Variants in FOXO1 observed in about 807,000 individuals in gnomAD.
FOXO1 encodes the protein forkhead box protein O1.
In FOXO1, 6 loss-of-function variants were observed where a neutral mutation model predicts 44.1. The ratio of observed to expected loss-of-function variants is 0.14; its 90% CI spans 0.07 to 0.27. The LOEUF (loss-of-function observed/expected upper bound fraction) is 0.27. Among genes scored for constraint, FOXO1 ranks in the 10% least tolerant of loss-of-function variants. The pLI is 1.00. For missense variants in FOXO1, 737 were observed against 888.8 expected, an observed-to-expected ratio of 0.83 and a Z score of 2.17; for synonymous variants, 380 against 362.7, an observed-to-expected ratio of 1.05 and a Z score of -0.54.
At chr13:40,597,230 C>T (rs1875615612) in intron 1 of FOXO1, among the ~76,000 whole-genome samples, 1 of 152,286 alleles carries the variant, frequency 6.6e-6, no homozygotes, top group African/African-American at 2.4e-5. Context: ...CCACCATAAC[C>T]CCAGAATGTA....
chr13:40,613,389 T>C (rs1001146123), intron 1 of FOXO1, among the ~76,000 whole-genome samples: 1 of 151,212 alleles, frequency 6.6e-6, no homozygotes, highest in Non-Finnish European at 1.5e-5. Flanking sequence ...ACACCCCTAA[T>C]CTAATCAATT....
At chr13:40,590,557 A>G (rs888882400) in intron 1 of FOXO1, among the ~76,000 whole-genome samples, 2 of 152,222 alleles carry the variant, frequency 1.3e-5, no homozygotes, top group Non-Finnish European at 1.5e-5. Flanking sequence ...TATACCAAGG[A>G]TGAATCCCAA....
intron 1 of FOXO1, among the ~76,000 whole-genome samples, chr13:40,573,634 T>C (rs1223159041): frequency 3.3e-5 from 5 of 152,210 alleles, no homozygotes; most frequent in African/African-American, 1.2e-4. Flanking sequence ...GAAACATGGA[T>C]GATATTGTTG....
At chr13:40,648,380 A>G (rs957860288) in intron 1 of FOXO1, among the ~76,000 whole-genome samples, 3 of 152,230 alleles carry the variant, frequency 2.0e-5, no homozygotes, top group African/African-American at 7.2e-5. Flanking sequence ...CACCATGTAT[A>G]CTTAGATGCA....
At chr13:40,587,210 C>A (rs765903651) in intron 1 of FOXO1, among the ~76,000 whole-genome samples, 4 of 151,442 alleles carry the variant, frequency 2.6e-5, no homozygotes, top group Non-Finnish European at 5.9e-5. Flanking sequence ...CACCTTCTTC[C>A]CAAAGGCACG....
intron 1 of FOXO1, among the ~76,000 whole-genome samples, chr13:40,591,490 C>T (rs963968015): frequency 1.3e-5 from 2 of 152,026 alleles, no homozygotes; most frequent in African/African-American, 4.8e-5. Context: ...AGCCAGAGGC[C>T]CAGAACAGGA....
intron 1 of FOXO1, among the ~76,000 whole-genome samples, chr13:40,639,600 C>A (rs550154246): frequency 6.6e-6 from 1 of 152,342 alleles, no homozygotes; most frequent in South Asian, 2.1e-4. Flanking sequence ...TAGTGGCCAG[C>A]ACTACTGGTC....
chr13:40,564,498 G>A (rs917756212), intron 1 of FOXO1, among the ~76,000 whole-genome samples: 5 of 152,124 alleles, frequency 3.3e-5, no homozygotes, highest in South Asian at 2.1e-4. Context: ...AAGAAGCTAC[G>A]GTTTCTAGGG....
rs1388468577 is a variant in FOXO1 at position 40,571,596 on chromosome 13, C to T, written c.631-10736G>A. On this transcript the variant is annotated intron_variant, in intron 1 of 2. Coordinates refer to ENST00000379561, the MANE Select transcript of FOXO1 (RefSeq NM_002015.4). Reference sequence around the variant, plus strand: ...CTTGCCCATCAGTGACCTAAAGGGGCCTTCCTGAAACTTCGACTGAATTAA... The same window carrying T: ...CTTGCCCATCAGTGACCTAAAGGGGTCTTCCTGAAACTTCGACTGAATTAA... Among the ~76,000 whole-genome samples the T allele has an allele frequency of 2.0e-5, 3 of 152,162 alleles. No homozygotes were observed. The East Asian group carries it at 5.8e-4, about 29-fold the overall frequency.
chr13:40,559,463 T>A (rs957725137), intron 2 of FOXO1, 46 bp downstream of exon 2: 4 of 1,508,206 alleles, frequency 2.7e-6, no homozygotes, highest in Admixed American at 2.2e-5. Context: ...TCCTCGCTTT[T>A]AAGTTCTATT....
At chr13:40,562,292 A>G (rs1170172897) in intron 1 of FOXO1, among the ~76,000 whole-genome samples, 1 of 152,164 alleles carries the variant, frequency 6.6e-6, no homozygotes, top group Non-Finnish European at 1.5e-5. Flanking sequence ...AAGAGCTCTA[A>G]CTCTCAAGCT....
At chr13:40,618,700 C>A in intron 1 of FOXO1, 1 of 414,774 alleles carries the variant, frequency 2.4e-6, no homozygotes, top group Non-Finnish European at 4.6e-6. Context: ...ATGTTAAAAG[C>A]ATATTGAAAG....
In FOXO1 at chr13:40,627,290, C is replaced by T. The variant is rs369362417; in HGVS notation, c.630+38293G>A. On this transcript the variant is annotated intron_variant, in intron 1 of 2. Transcript: ENST00000379561. ...CAGATAGATCACATTCACACACCTG[C>T]TAAAACCTCAAAACCCTTGGACACT... Among the ~76,000 whole-genome samples, 295 of 152,282 alleles carry T rather than the reference C, an allele frequency of 1.9e-3. 1 individual carries two copies. Among genetic ancestry groups the T allele is most frequent in the African/African-American group, 6.8e-3 (283 of 41,546 alleles).
chr13:40,623,421 AAATAAAATAAGC>A (rs372229340), intron 1 of FOXO1, among the ~76,000 whole-genome samples: 1 of 152,382 alleles, frequency 6.6e-6, no homozygotes, highest in African/African-American at 2.4e-5. Flanking sequence ...CAACAACAAG[AAATAAAATAAGC>A]AATAAAATCA....
intron 1 of FOXO1, among the ~76,000 whole-genome samples, chr13:40,608,243 C>G (rs1448276284): frequency 6.6e-6 from 1 of 152,196 alleles, no homozygotes; most frequent in Non-Finnish European, 1.5e-5. Context: ...GTAAAGTACA[C>G]TTTTCTCCTT....
chr13:40,621,907 T>C (rs1876629935), intron 1 of FOXO1, among the ~76,000 whole-genome samples: 1 of 152,176 alleles, frequency 6.6e-6, no homozygotes, highest in South Asian at 2.1e-4. Context: ...GTGTACAAGT[T>C]TGGTTCTTAT....
intron 1 of FOXO1, among the ~76,000 whole-genome samples, chr13:40,663,076 CCTGAAACACTTA>C (rs1878087111): frequency 6.6e-6 from 1 of 152,202 alleles, no homozygotes; most frequent in South Asian, 2.1e-4. Flanking sequence ...TGACATTACA[CCTGAAACACTTA>C]CTCATTTGAG....
At chr13:40,622,268 T>C (rs752154666) in intron 1 of FOXO1, among the ~76,000 whole-genome samples, 1 of 152,234 alleles carries the variant, frequency 6.6e-6, no homozygotes, top group African/African-American at 2.4e-5. Flanking sequence ...GCATAGATAA[T>C]ACTTTAAGTT....
At position 40,559,774 on chromosome 13, in the gene FOXO1, T is replaced by C. The variant is rs1211676464; in HGVS notation, c.1717A>G (p.Ser573Gly). The C allele has an allele frequency of 6.2e-7, 1 of 1,613,296 alleles. No individual in the cohort carries two copies. Among genetic ancestry groups the C allele is most frequent in the African/African-American group, 1.3e-5 (1 of 74,914 alleles). ...ACGGAGGAGTAGCCCCCCAGGGCACTCATCTGCATGGGGTGGGGCAGAGGC... is the reference window on the plus strand; with the variant it reads ...ACGGAGGAGTAGCCCCCCAGGGCACCCATCTGCATGGGGTGGGGCAGAGGC... ...QVPLPHPMQM[S>G]ALGGYSSVSS... Residue 573 changes from serine to glycine, a missense_variant, in exon 2 of 3, where the codon AGT becomes GGT. Physicochemically the swap from Ser to Gly is moderately conservative, Grantham distance 56. Coordinates refer to ENST00000379561, the MANE Select transcript of FOXO1 (RefSeq NM_002015.4).
Sources: gnomAD v4.1 joint callset for allele counts (sites outside exome capture counted in the v4.1 genomes callset) on GRCh38, gnomAD v4.1.1 for gene constraint, MANE v1.5 for transcripts, NCBI Gene and HGNC (gene_info 2026-07-23, HGNC 2026-07-21) for gene names.